UBASH3A: variants seen among roughly 807,000 people sequenced by gnomAD.
UBASH3A encodes the protein ubiquitin associated and SH3 domain containing A.
A neutral mutation model predicts 73.5 loss-of-function variants in UBASH3A; 63 were observed. That is an observed-to-expected ratio of 0.86 (90% CI 0.70 to 1.06). The LOEUF (loss-of-function observed/expected upper bound fraction) is 1.06. Among genes scored for constraint, UBASH3A ranks in the 50% least tolerant of loss-of-function variants. UBASH3A has a pLI of 0.00. For synonymous variants in UBASH3A, 363 were observed against 351.1 expected (o/e 1.03, Z -0.38); for missense variants, 860 against 859.0 (o/e 1.00, Z -0.02).
chr21:42,405,996 G>GGA (rs2052965481), intron 1 of UBASH3A, among the ~76,000 whole-genome samples: 1 of 147,212 alleles, frequency 6.8e-6, no homozygotes, highest in African/African-American at 2.5e-5. Context: ...GGGGGGGGGG[G>GGA]GCAGGCCAGG....
rs752478715 is a variant in UBASH3A at position 42,418,524 on chromosome 21, A to T, written c.961A>T (p.Ile321Phe). The change falls in exon 7 of 15, where the codon ATC (isoleucine) becomes TTC (phenylalanine). Residue 321 changes from isoleucine to phenylalanine, a missense_variant. By Grantham distance (21) the Ile-to-Phe change is conservative. Transcript: ENST00000319294. ...AGCCAGCGAGGGCTGGGTGATTGGG[A>T]TCTCACAGCGGACGGGCTGCCGGGG... ...DEASEGWVIGISQRTGCRGFL... is the reference protein window; with the variant it reads ...DEASEGWVIGFSQRTGCRGFL... 3.1e-6 allele frequency: 5 copies of T among 1,614,052 alleles called. No individual in the cohort carries two copies. The South Asian group carries it at 4.4e-5, about 14-fold the overall frequency.
intron 5 of UBASH3A, among the ~76,000 whole-genome samples, chr21:42,414,886 C>A (rs1269201455): frequency 6.6e-6 from 1 of 152,228 alleles, no homozygotes; most frequent in Non-Finnish European, 1.5e-5. Context: ...CCTGAACCCA[C>A]CTCTGTCCTG....
chr21:42,418,121 A>G (rs111812774), intron 6 of UBASH3A, among the ~76,000 whole-genome samples: 8,645 of 152,000 alleles, frequency 0.057, 371 homozygotes, highest in Middle Eastern at 0.13. Context: ...TGACCTTGTG[A>G]TCCACCCACC....
In UBASH3A at chr21:42,409,482, T is replaced by G. The variant is rs939364062; in HGVS notation, c.228T>G (p.Leu76=). ...ACCCCATCCCCCAGGAGTATGCCCT[T>G]TTCCTCTGTCCAACGGGGCCCCTGC... is the stretch of plus-strand genomic sequence containing the variant. ...LDDPIPQEYA[L]FLCPTGPLLE... The change falls in exon 3 of 15, where the codon CTT becomes CTG. Residue 76 remains leucine, a synonymous_variant. Transcript: ENST00000319294. 2.5e-6 allele frequency: 4 copies of G among 1,613,972 alleles called. No individual in the cohort carries two copies. The East Asian group carries it at 8.9e-5, about 36-fold the overall frequency.
At chr21:42,408,895 A>AAAT (rs1217157268) in intron 2 of UBASH3A, among the ~76,000 whole-genome samples, 2,976 of 128,842 alleles carry the variant, frequency 0.023, 106 homozygotes, top group East Asian at 0.12. Flanking sequence ...AAATAAAATA[A>AAAT]AATAAAATAA....
chr21:42,409,112 T>C (rs1312375195), intron 2 of UBASH3A, among the ~76,000 whole-genome samples: 1 of 152,084 alleles, frequency 6.6e-6, no homozygotes, highest in Non-Finnish European at 1.5e-5. Flanking sequence ...CCACGGATCA[T>C]TGGAAGACCA....
chr21:42,407,113 CA>C (rs1168512412), intron 2 of UBASH3A, among the ~76,000 whole-genome samples: 1 of 152,104 alleles, frequency 6.6e-6, no homozygotes, highest in East Asian at 1.9e-4. Context: ...TTCTTCAAGC[CA>C]CCCACTGCCA....
At chr21:42,414,141 G>A (rs531596948) in intron 5 of UBASH3A, among the ~76,000 whole-genome samples, 8 of 152,250 alleles carry the variant, frequency 5.3e-5, no homozygotes, top group South Asian at 4.2e-4. Context: ...GAGATTTGCC[G>A]ACTCTAAAAT....
chr21:42,415,287 C>T (rs923890440), intron 5 of UBASH3A, among the ~76,000 whole-genome samples: 8 of 152,176 alleles, frequency 5.3e-5, no homozygotes, highest in African/African-American at 1.9e-4. Context: ...CGGTCCTCCC[C>T]GACTGCTAAA....
chr21:42,425,802 T>C (rs983655698), intron 7 of UBASH3A, among the ~76,000 whole-genome samples: 1 of 152,002 alleles, frequency 6.6e-6, no homozygotes. Context: ...ACTTGAGACC[T>C]CTATGGGAGA....
chr21:42,426,577 G>T, intron 7 of UBASH3A, 120 bp from the exon 8 acceptor site: 1 of 1,186,996 alleles, frequency 8.4e-7, no homozygotes. Context: ...TGTGCTCATG[G>T]GAACCTTTCT....
intron 11 of UBASH3A, among the ~76,000 whole-genome samples, chr21:42,441,455 GGGGAGGACTCGGGGACCTGGTTGATGGA>G (rs2053740773): frequency 6.9e-6 from 1 of 144,602 alleles, no homozygotes; most frequent in African/African-American, 2.6e-5. Flanking sequence ...CCAGTTGATG[GGGGAGGACTCGGGGACCTGGTTGATGGA>G]GGAGGACTTG....
At chr21:42,421,538 A>G (rs921455936) in intron 7 of UBASH3A, among the ~76,000 whole-genome samples, 25 of 152,358 alleles carry the variant, frequency 1.6e-4, no homozygotes, top group Admixed American at 7.2e-4. Context: ...TTGAACACAG[A>G]TGTATCAGCA....
intron 7 of UBASH3A, among the ~76,000 whole-genome samples, chr21:42,421,479 C>G (rs965425828): frequency 3.3e-5 from 5 of 152,218 alleles, no homozygotes; most frequent in Non-Finnish European, 7.3e-5. Context: ...TGCTCCACAG[C>G]TTCTCTAGGG....
At chr21:42,433,763 C>G (rs1359166580) in intron 9 of UBASH3A, among the ~76,000 whole-genome samples, 1 of 152,158 alleles carries the variant, frequency 6.6e-6, no homozygotes, top group Non-Finnish European at 1.5e-5. Flanking sequence ...TCAGAAAACT[C>G]CTATATGGAA....
intron 3 of UBASH3A, among the ~76,000 whole-genome samples, chr21:42,410,875 A>T (rs2053076924): frequency 6.6e-6 from 1 of 152,134 alleles, no homozygotes; most frequent in African/African-American, 2.4e-5. Context: ...ATGCACACAG[A>T]TACACACACA....
chr21:42,445,979 T>C (rs1017496347), intron 14 of UBASH3A, among the ~76,000 whole-genome samples: 1 of 152,218 alleles, frequency 6.6e-6, no homozygotes, highest in African/African-American at 2.4e-5. Context: ...TGCGCTCTGA[T>C]GCATTCCTCC....
At chr21:42,427,945 A>G (rs73905657) in intron 8 of UBASH3A, among the ~76,000 whole-genome samples, 7,736 of 152,254 alleles carry the variant, frequency 0.051, 679 homozygotes, top group African/African-American at 0.17. Context: ...CCCCAGTCTC[A>G]CTGAATGTGA....
intron 11 of UBASH3A, among the ~76,000 whole-genome samples, chr21:42,442,191 C>G (rs553352416): frequency 3.0e-4 from 45 of 152,336 alleles, no homozygotes; most frequent in Admixed American, 1.4e-3. Flanking sequence ...CACTCACCAG[C>G]TCCTGGAAGA....
Sources: allele counts gnomAD v4.1 joint callset (sites outside exome capture counted in the v4.1 genomes callset), GRCh38; gene constraint gnomAD v4.1.1; transcripts MANE v1.5; gene names NCBI Gene and HGNC (gene_info 2026-07-23, HGNC 2026-07-21).